Variants in ANKS6 observed in about 807,000 individuals in gnomAD.
ANKS6 encodes the protein ankyrin repeat and sterile alpha motif domain containing 6, also known as ankyrin repeat and SAM domain-containing protein 6.
ANKS6 carries 47 observed loss-of-function variants against 77.9 expected under a neutral mutation model. The observed-to-expected ratio is 0.60, with a 90% CI of 0.48 to 0.77. The LOEUF is 0.77. Among genes scored for constraint, ANKS6 ranks in the 30% least tolerant of loss-of-function variants. The pLI, the probability that ANKS6 is intolerant of heterozygous loss-of-function variation, is 0.00. For synonymous variants in ANKS6, 488 were observed against 501.7 expected, an observed-to-expected ratio of 0.97 and a Z score of 0.37; for missense variants, 1,150 against 1,159.1, an observed-to-expected ratio of 0.99 and a Z score of 0.11.
At position 98,796,339 on chromosome 9, in the gene ANKS6, C is replaced by T. The variant is rs1835175953; in HGVS notation, c.153G>A (p.Gly51=). 2 of 1,187,558 alleles carry T rather than the reference C, an allele frequency of 1.7e-6. No homozygotes were observed. The highest frequency in any genetic ancestry group is 2.1e-6 in the Non-Finnish European group (2 of 960,908). 73.6% of individuals were successfully genotyped at this position (1,187,558 alleles called of 1,614,324 possible). ...AEPEAGAEPA[G]AEVAGPGAAA... ...CGGCCCCGGGCCCGGCCACCTCGGC[C>T]CCCGCCGGCTCCGCGCCCGCCTCCG... The change falls in exon 1 of 15, where the codon GGG becomes GGA. Residue 51 remains glycine (G), a synonymous_variant. Transcript: ENST00000353234.
intron 14 of ANKS6, among the ~76,000 whole-genome samples, chr9:98,741,863 A>G (rs1025211488): frequency 6.6e-6 from 1 of 152,222 alleles, no homozygotes; most frequent in African/African-American, 2.4e-5. Context: ...ATACTCACTT[A>G]AAAAATTTTA....
chr9:98,788,397 A>G (rs1834700656), intron 2 of ANKS6, among the ~76,000 whole-genome samples: 1 of 151,872 alleles, frequency 6.6e-6, no homozygotes, highest in African/African-American at 2.4e-5. Flanking sequence ...TGCGAGGGTG[A>G]GGGGAGATTC....
rs1212012298 is a variant in ANKS6 at position 98,736,379 on chromosome 9, C to T, written c.*140G>A. On this transcript the variant is annotated 3_prime_UTR_variant, in exon 15 of 15. Coordinates refer to ENST00000353234, the MANE Select transcript of ANKS6 (RefSeq NM_173551.5). ...AAGAAGTACTACCAATGAATGCCGT[C>T]GACGTGAAGTGGGCATCCCGAGCAA... 11 of 1,430,800 alleles carry T rather than the reference C, an allele frequency of 7.7e-6. No homozygotes were observed. Among genetic ancestry groups the T allele is most frequent in the Non-Finnish European group, 1.0e-5 (11 of 1,095,094 alleles). The allele number at this position is 1,430,800 out of a possible 1,614,324, so 88.6% of individuals were successfully genotyped here.
At chr9:98,737,499 AAAAATACTTAGGAATATACCTAACCAAGG>A (rs1831567454) in intron 14 of ANKS6, among the ~76,000 whole-genome samples, 1 of 152,152 alleles carries the variant, frequency 6.6e-6, no homozygotes, top group African/African-American at 2.4e-5. Context: ...AATAAAAAAA[AAAAATACTTAGGAATATACCTAACCAAGG>A]AGGTGAAAGA....
At chr9:98,786,434 G>C (rs1452598891) in intron 2 of ANKS6, among the ~76,000 whole-genome samples, 2 of 151,912 alleles carry the variant, frequency 1.3e-5, no homozygotes, top group African/African-American at 4.8e-5. Context: ...TGGGATTACA[G>C]GCACCCACCA....
intron 11 of ANKS6, among the ~76,000 whole-genome samples, chr9:98,760,767 T>C (rs1832962337): frequency 6.6e-6 from 1 of 151,602 alleles, no homozygotes; most frequent in African/African-American, 2.4e-5. Flanking sequence ...TATTATTACA[T>C]GAATGTACTA....
chr9:98,746,756 C>G (rs910637299), intron 13 of ANKS6, among the ~76,000 whole-genome samples: 5 of 152,156 alleles, frequency 3.3e-5, no homozygotes, highest in Admixed American at 2.0e-4. Flanking sequence ...GCAGTAGCCC[C>G]CTTGTTAACA....
Position 98,751,029 on chromosome 9 carries a change from C to T in ANKS6, c.2394G>A (p.Glu798=). The change falls in exon 13 of 15, where the codon GAG becomes GAA. Residue 798 remains glutamate (E), a splice_region_variant and synonymous_variant. Transcript: ENST00000353234. The part of the protein sequence containing the change: ...EKYQPIFEEQ[E]VDMEAFLTLT... ...TGACATTCAAAAAGAGCATTCTTAC[C>T]TCTTGTTCCTCAAAAATGGGCTGAT... The T allele has an allele frequency of 1.2e-6, 2 of 1,606,472 alleles. No homozygotes were observed. The highest frequency in any genetic ancestry group is 2.2e-5 in the East Asian group (1 of 44,798).
At chr9:98,792,333 G>A (rs1270574344) in intron 1 of ANKS6, among the ~76,000 whole-genome samples, 2 of 151,962 alleles carry the variant, frequency 1.3e-5, no homozygotes, top group Admixed American at 6.6e-5. Context: ...CCACGGGCTC[G>A]CCTCTGGCTG....
intron 14 of ANKS6, among the ~76,000 whole-genome samples, chr9:98,740,237 A>AGG (rs1831749768): frequency 6.6e-6 from 1 of 152,096 alleles, no homozygotes; most frequent in East Asian, 1.9e-4. Context: ...TGTGCTGATG[A>AGG]GGCCTCCTAG....
rs1831304642 is a variant in ANKS6, at chr9:98,733,305, A to C, written c.*3214T>G. ...CAGGAGCCCTCCGTGGCCAGCAGGG[A>C]CTTGGACATCCAGCACTCACGACAC... On this transcript the variant is annotated 3_prime_UTR_variant, in exon 15 of 15. Transcript: ENST00000353234. The C allele has an allele frequency of 2.0e-6, 2 of 985,372 alleles. No homozygotes were observed. Among genetic ancestry groups the C allele is most frequent in the South Asian group, 9.4e-5 (2 of 21,298 alleles). 61.0% of individuals were successfully genotyped at this position (985,372 alleles called of 1,614,324 possible). A position where few individuals can be genotyped will look rare whatever the true frequency, so the allele number is the denominator to read the frequency against.
chr9:98,735,484 C>T lies in ANKS6; in HGVS notation c.*1035G>A, dbSNP rs1831448455. Reference sequence around the variant, plus strand: ...ATGATATGGTAGGAAACTACACAAGCCAATTCCCTTTTGAGGAACACAGCA... The same window carrying T: ...ATGATATGGTAGGAAACTACACAAGTCAATTCCCTTTTGAGGAACACAGCA... On this transcript the variant is annotated 3_prime_UTR_variant, in exon 15 of 15. Transcript: ENST00000353234. The T allele has an allele frequency of 2.4e-6, 3 of 1,225,442 alleles. No homozygotes were observed. The highest frequency in any genetic ancestry group is 3.2e-5 in the East Asian group (1 of 31,240). The allele number at this position is 1,225,442 out of a possible 1,614,324, so 75.9% of individuals were successfully genotyped here.
chr9:98,775,084 T>C (rs1833855045), intron 8 of ANKS6, among the ~76,000 whole-genome samples: 1 of 152,236 alleles, frequency 6.6e-6, no homozygotes, highest in Non-Finnish European at 1.5e-5. Flanking sequence ...AAACAAGTGC[T>C]GTCCCCTCTT....
At chr9:98,778,146 C>G (rs1834015938) in intron 7 of ANKS6, 80 bp downstream of exon 7, 1 of 1,504,220 alleles carries the variant, frequency 6.6e-7, no homozygotes, top group South Asian at 1.2e-5. Context: ...CTGACAGCAA[C>G]CCAGGAGGTA....
chr9:98,768,317 A>G, intron 10 of ANKS6, 67 bp from the exon 11 acceptor site: 1 of 1,585,282 alleles, frequency 6.3e-7, no homozygotes, highest in East Asian at 2.2e-5. Context: ...AGGGTGGTGG[A>G]CTGTCGTGTG....
Position 98,736,162 on chromosome 9 carries a change from C to T in ANKS6, c.*357G>A, listed in dbSNP as rs879263835. 2 of 1,158,094 alleles carry T rather than the reference C, an allele frequency of 1.7e-6. No individual in the cohort carries two copies. Among genetic ancestry groups the T allele is most frequent in the Non-Finnish European group, 2.1e-6 (2 of 939,298 alleles). The allele number at this position is 1,158,094 out of a possible 1,614,324, so 71.7% of individuals were successfully genotyped here. A position where few individuals can be genotyped will look rare whatever the true frequency, so the allele number is the denominator to read the frequency against. ...TAAGAGCAAGGCAGGTAAGAAGCAGCCGTGCCTTCTCCATCGTCCCTTTCC... is the reference window on the plus strand; with the variant it reads ...TAAGAGCAAGGCAGGTAAGAAGCAGTCGTGCCTTCTCCATCGTCCCTTTCC... On this transcript the variant is annotated 3_prime_UTR_variant, in exon 15 of 15. Coordinates refer to ENST00000353234, the MANE Select transcript of ANKS6 (RefSeq NM_173551.5).
intron 13 of ANKS6, among the ~76,000 whole-genome samples, chr9:98,749,514 G>A (rs746354436): frequency 1.3e-5 from 2 of 152,152 alleles, no homozygotes; most frequent in Non-Finnish European, 2.9e-5. Flanking sequence ...AGGTGAACTC[G>A]CAGACATGCC....
intron 12 of ANKS6, among the ~76,000 whole-genome samples, chr9:98,753,039 T>A (rs1424699863): frequency 6.6e-6 from 1 of 152,132 alleles, no homozygotes; most frequent in East Asian, 1.9e-4. Context: ...CTGGTAAATG[T>A]TTAACAACTG....
chr9:98,745,750 G>A (rs1265780623), intron 13 of ANKS6, 75 bp from the exon 14 acceptor site: 2 of 1,108,078 alleles, frequency 1.8e-6, no homozygotes, highest in African/African-American at 3.1e-5. Context: ...GCAATCTCAT[G>A]ATTATGAGCT....
Sources: gnomAD v4.1 joint callset for allele counts (sites outside exome capture counted in the v4.1 genomes callset) on GRCh38, gnomAD v4.1.1 for gene constraint, MANE v1.5 for transcripts, NCBI Gene and HGNC (gene_info 2026-07-23, HGNC 2026-07-21) for gene names.